Variants in CNTN5 observed in about 807,000 individuals in gnomAD.
The protein encoded by CNTN5 is contactin-5.
A neutral mutation model predicts 129.1 loss-of-function variants in CNTN5; 77 were observed. The ratio of observed to expected loss-of-function variants is 0.60; its 90% CI spans 0.50 to 0.72. The LOEUF is 0.72. Among genes scored for constraint, CNTN5 ranks in the 30% least tolerant of loss-of-function variants. The pLI is 0.00. For synonymous variants in CNTN5, 509 were observed against 465.6 expected, an observed-to-expected ratio of 1.09 and a Z score of -1.20; for missense variants, 1,478 against 1,328.8, an observed-to-expected ratio of 1.11 and a Z score of -1.75.
chr11:100,286,926 T>C (rs1460872193), intron 18 of CNTN5, among the ~76,000 whole-genome samples: 1 of 151,974 alleles, frequency 6.6e-6, no homozygotes, highest in Non-Finnish European at 1.5e-5. Flanking sequence ...CTGATGGAGC[T>C]GAAAACCAAA....
At chr11:99,984,853 C>T (rs934487802) in intron 8 of CNTN5, among the ~76,000 whole-genome samples, 1 of 152,072 alleles carries the variant, frequency 6.6e-6, no homozygotes, top group African/African-American at 2.4e-5. Context: ...ATTTCATGAC[C>T]GCTTTGTCAG....
chr11:100,234,927 C>G (rs935361862), intron 16 of CNTN5, among the ~76,000 whole-genome samples: 32 of 151,872 alleles, frequency 2.1e-4, no homozygotes, highest in African/African-American at 7.5e-4. Context: ...TTGCAATTGC[C>G]CCAATTCTGG....
At chr11:99,461,195 G>C (rs953019451) in intron 2 of CNTN5, among the ~76,000 whole-genome samples, 9 of 152,032 alleles carry the variant, frequency 5.9e-5, no homozygotes, top group Non-Finnish European at 8.8e-5. Context: ...CAGATCAGTA[G>C]TTGACTGGGA....
intron 1 of CNTN5, among the ~76,000 whole-genome samples, chr11:99,123,418 T>C (rs1405370732): frequency 6.6e-6 from 1 of 152,072 alleles, no homozygotes; most frequent in Non-Finnish European, 1.5e-5. Context: ...TGTACATTTA[T>C]TTATTATAGA....
In CNTN5 at chr11:99,574,857, G is replaced by A. The variant is rs1016897451; in HGVS notation, c.55+18588G>A. 4.6e-4 allele frequency among the ~76,000 whole-genome samples: 70 copies of A among 152,126 alleles called. 1 individual carries two copies. The highest frequency in any genetic ancestry group is 6.8e-3 in the Middle Eastern group (2 of 294). On this transcript the variant is annotated intron_variant, in intron 3 of 24. Coordinates refer to ENST00000524871, the MANE Select transcript of CNTN5 (RefSeq NM_014361.4). ...GATTGCAAAAGTTTTCTCCCACTCCGTAGGTTGTCTGTTCATTCTGATGAT... is the reference window on the plus strand; with the variant it reads ...GATTGCAAAAGTTTTCTCCCACTCCATAGGTTGTCTGTTCATTCTGATGAT...
At chr11:99,390,836 A>G (rs1423859941) in intron 2 of CNTN5, among the ~76,000 whole-genome samples, 1 of 152,130 alleles carries the variant, frequency 6.6e-6, no homozygotes, top group East Asian at 1.9e-4. Context: ...TGATACTAAC[A>G]TAGGCATTTA....
At chr11:99,690,188 C>A (rs1277318293) in intron 3 of CNTN5, among the ~76,000 whole-genome samples, 2 of 152,136 alleles carry the variant, frequency 1.3e-5, no homozygotes, top group Admixed American at 1.3e-4. Flanking sequence ...AGTAGGGAAT[C>A]CTTTCCCCAT....
chr11:99,943,324 T>C (rs1950483740), intron 7 of CNTN5, among the ~76,000 whole-genome samples: 1 of 152,196 alleles, frequency 6.6e-6, no homozygotes, highest in South Asian at 2.1e-4. Flanking sequence ...GTTGGCCGCA[T>C]AAATGTCTTC....
chr11:99,251,099 A>G (rs1190407444), intron 1 of CNTN5, among the ~76,000 whole-genome samples: 1 of 151,940 alleles, frequency 6.6e-6, no homozygotes, highest in Non-Finnish European at 1.5e-5. Flanking sequence ...CTCTCTAGGG[A>G]CAGAGTTATA....
chr11:99,235,419 G>T (rs1437025167), intron 1 of CNTN5, among the ~76,000 whole-genome samples: 1 of 151,736 alleles, frequency 6.6e-6, no homozygotes, highest in East Asian at 1.9e-4. Flanking sequence ...TGAGATGAAA[G>T]AAAAAATATG....
At chr11:99,457,586 T>C (rs1449549344) in intron 2 of CNTN5, among the ~76,000 whole-genome samples, 1 of 151,906 alleles carries the variant, frequency 6.6e-6, no homozygotes. Context: ...AGACAAAAAT[T>C]AAACACAAAT....
chr11:99,185,545 G>C (rs1357398162), intron 1 of CNTN5, among the ~76,000 whole-genome samples: 1 of 151,730 alleles, frequency 6.6e-6, no homozygotes, highest in Non-Finnish European at 1.5e-5. Context: ...ACAATATACA[G>C]TGAAATCCTC....
intron 1 of CNTN5, among the ~76,000 whole-genome samples, chr11:99,226,003 A>G (rs1860662717): frequency 1.3e-5 from 2 of 152,176 alleles, no homozygotes; most frequent in African/African-American, 4.8e-5. Flanking sequence ...TCATTTTACT[A>G]AGGTACATAA....
chr11:99,527,181 T>C (rs1947519312), intron 2 of CNTN5, among the ~76,000 whole-genome samples: 1 of 152,216 alleles, frequency 6.6e-6, no homozygotes, highest in Non-Finnish European at 1.5e-5. Context: ...AGTTTAGCTA[T>C]TGATTGTGCT....
intron 1 of CNTN5, among the ~76,000 whole-genome samples, chr11:99,198,782 T>C (rs1415305519): frequency 6.6e-6 from 1 of 152,096 alleles, no homozygotes; most frequent in East Asian, 1.9e-4. Flanking sequence ...ACTTTTTGTT[T>C]TGTTTGTTTG....
At chr11:99,485,893 G>T (rs1339094271) in intron 2 of CNTN5, among the ~76,000 whole-genome samples, 1 of 151,882 alleles carries the variant, frequency 6.6e-6, no homozygotes, top group Non-Finnish European at 1.5e-5. Flanking sequence ...CATTTACTTG[G>T]TTTGGAAAAG....
At chr11:99,420,136 A>G (rs1250354208) in intron 2 of CNTN5, among the ~76,000 whole-genome samples, 3 of 152,154 alleles carry the variant, frequency 2.0e-5, no homozygotes, top group Non-Finnish European at 4.4e-5. Context: ...CCCCGGATAC[A>G]AGGCTGCAGA....
At chr11:99,877,591 T>C (rs1948666507) in intron 6 of CNTN5, among the ~76,000 whole-genome samples, 1 of 132,878 alleles carries the variant, frequency 7.5e-6, no homozygotes, top group Non-Finnish European at 1.6e-5. Context: ...TTTAAGTTTA[T>C]TTCTTCATAA....
intron 2 of CNTN5, among the ~76,000 whole-genome samples, chr11:99,518,820 A>G (rs567696873): frequency 8.5e-5 from 13 of 152,140 alleles, no homozygotes; most frequent in Admixed American, 7.9e-4. Flanking sequence ...AAACTTTTAC[A>G]TTGTCTACCT....
Sources: gnomAD v4.1 joint callset for allele counts (sites outside exome capture counted in the v4.1 genomes callset) on GRCh38, gnomAD v4.1.1 for gene constraint, MANE v1.5 for transcripts, NCBI Gene and HGNC (gene_info 2026-07-23, HGNC 2026-07-21) for gene names.